The following CYTH1 variants were observed in gnomAD, a reference collection of about 807,000 sequenced individuals.
The protein encoded by CYTH1 is cytohesin-1.
CYTH1 carries 18 observed loss-of-function variants against 61.8 expected under a neutral mutation model. That is an observed-to-expected ratio of 0.29 (90% CI 0.20 to 0.43). CYTH1 has a LOEUF of 0.43. Ranked by LOEUF, CYTH1 falls within the 20% of genes least tolerant of loss-of-function variation. The probability of loss-of-function intolerance (pLI) is 1.00; values close to 1 mark genes in which losing one functional copy is unlikely to be tolerated. For synonymous variants in CYTH1, 174 were observed against 184.3 expected (o/e 0.94, Z 0.45); for missense variants, 336 against 510.5 (o/e 0.66, Z 3.29).
intron 1 of CYTH1, among the ~76,000 whole-genome samples, chr17:78,724,699 T>C (rs2093255979): frequency 6.6e-6 from 1 of 152,196 alleles, no homozygotes; most frequent in South Asian, 2.1e-4. Flanking sequence ...AACACTCCCA[T>C]ACCCTCCCTC....
intron 11 of CYTH1, among the ~76,000 whole-genome samples, chr17:78,683,861 C>T (rs1225818587): frequency 6.6e-6 from 1 of 152,196 alleles, no homozygotes; most frequent in Non-Finnish European, 1.5e-5. Context: ...TTGGTGCCTG[C>T]ACCTTTTGAG....
rs1463574991 is a variant in CYTH1 at position 78,717,736 on chromosome 17, C to T, written c.23-8004G>A. 6.6e-6 allele frequency among the ~76,000 whole-genome samples: 1 copy of T among 152,142 alleles called. No homozygotes were observed. The highest frequency in any genetic ancestry group is 1.9e-4 in the East Asian group (1 of 5,182). The stretch of plus-strand genomic sequence containing the variant: ...TTCCACGGAAAACGCAGCTCTCTGA[C>T]AGCAGGTTCTGCTTGGCAGACACAT... On this transcript the variant is annotated intron_variant, in intron 1 of 13. Transcript: ENST00000446868. This position sits in a 1 kb window ranked among gnomAD's most constrained non-coding sequence, Gnocchi z 4.4.
At chr17:78,696,124 G>C in intron 9 of CYTH1, 115 bp from the exon 10 acceptor site, 1 of 1,310,514 alleles carries the variant, frequency 7.6e-7, no homozygotes, top group Non-Finnish European at 1.0e-6. Context: ...AAAGTGCAAT[G>C]TATCAGTCAC....
At chr17:78,698,997 C>CAAAG in intron 7 of CYTH1, 29 bp from the exon 8 acceptor site, 7 of 1,603,644 alleles carry the variant, frequency 4.4e-6, no homozygotes, top group Non-Finnish European at 5.1e-6. Context: ...CAAAGGGGAG[C>CAAAG]CGTTGCATGC....
intron 1 of CYTH1, among the ~76,000 whole-genome samples, chr17:78,781,957 A>G (rs12946269): frequency 0.063 from 8,819 of 140,326 alleles, 495 homozygotes; most frequent in South Asian, 0.16. Flanking sequence ...CCCCCGCCCC[A>G]GCCACCCACA....
At chr17:78,696,113 T>TAA (rs1176371972) in intron 9 of CYTH1, 104 bp from the exon 10 acceptor site, 1 of 1,332,266 alleles carries the variant, frequency 7.5e-7, no homozygotes, top group Non-Finnish European at 1.0e-6. Context: ...TCCTTAATCT[T>TAA]AAAGTGCAAT....
In CYTH1 at chr17:78,680,258, C is replaced by G; in HGVS notation, c.1050G>C (p.Gly350=). 6.2e-7 allele frequency: 1 copy of G among 1,614,172 alleles called. No individual in the cohort carries two copies. Among genetic ancestry groups the G allele is most frequent in the Non-Finnish European group, 8.5e-7 (1 of 1,180,040 alleles). The change falls in exon 13 of 14, where the codon GGG becomes GGC. Residue 350 remains glycine, a synonymous_variant. Transcript: ENST00000446868. ...CTGAGATCCGGTAAACAGTGTGGTT[C>G]CCCTCCACCACCCGCCCGTCAGCCT... ...KTEADGRVVE[G]NHTVYRISAP... is the part of the protein sequence containing the mutation.
chr17:78,723,958 G>T (rs563434236), intron 1 of CYTH1: 3 of 152,472 alleles, frequency 2.0e-5, no homozygotes, highest in African/African-American at 7.2e-5. Flanking sequence ...TTCCTCCAGG[G>T]ATCCCATGCC....
rs2093002056 is a variant in CYTH1, at chr17:78,700,908, C to T, written c.438-465G>A. On this transcript the variant is annotated intron_variant, in intron 6 of 13. Transcript: ENST00000446868. The surrounding 1 kb of genome is among the most constrained non-coding windows in gnomAD (Gnocchi z 5.1). ...CTGTTACTGTAACTCTGAACAGATG[C>T]AAAGTTGCCATCCACACCACTGTTA... Among the ~76,000 whole-genome samples, 1 of 152,096 alleles carries T rather than the reference C, an allele frequency of 6.6e-6. No homozygotes were observed. Among genetic ancestry groups the T allele is most frequent in the Admixed American group, 6.5e-5 (1 of 15,274 alleles).
intron 9 of CYTH1, among the ~76,000 whole-genome samples, chr17:78,697,604 A>G (rs115769691): frequency 0.014 from 2,075 of 149,102 alleles, 47 homozygotes; most frequent in African/African-American, 0.045. Context: ...AAAGGAGGGG[A>G]AAAAAAAAAG....
Position 78,782,273 on chromosome 17 carries a change from C to G in CYTH1, c.-50G>C, listed in dbSNP as rs759587733. 3.4e-5 allele frequency: 40 copies of G among 1,176,610 alleles called. No individual in the cohort carries two copies. In the East Asian group the frequency reaches 1.3e-3, roughly 38 times the overall value. 72.9% of individuals were successfully genotyped at this position (1,176,610 alleles called of 1,614,324 possible). ...CCGGCTCGCCGCTCGCGTCCCGCCG[C>G]GCCACCCGCGCCCCCGCTCGCCTCA... On this transcript the variant is annotated 5_prime_UTR_variant, in exon 1 of 14. Coordinates refer to ENST00000446868, the MANE Select transcript of CYTH1 (RefSeq NM_004762.6).
chr17:78,703,068 A>G (rs1439201496), intron 3 of CYTH1, among the ~76,000 whole-genome samples: 1 of 151,688 alleles, frequency 6.6e-6, no homozygotes, highest in African/African-American at 2.4e-5. Context: ...TTACAGGCAT[A>G]AGCCACTGTA....
At chr17:78,718,783 T>C (rs1420668948) in intron 1 of CYTH1, among the ~76,000 whole-genome samples, 1 of 152,242 alleles carries the variant, frequency 6.6e-6, no homozygotes, top group East Asian at 1.9e-4. Flanking sequence ...ATTAGCACTG[T>C]TGTGAGGAAT....
chr17:78,765,533 C>A (rs1040686377), intron 1 of CYTH1, among the ~76,000 whole-genome samples: 3 of 152,126 alleles, frequency 2.0e-5, no homozygotes, highest in Non-Finnish European at 4.4e-5. Context: ...GTAGAGGAGA[C>A]AAGCCTGAAG....
At chr17:78,761,056 G>A (rs975997418) in intron 1 of CYTH1, among the ~76,000 whole-genome samples, 4 of 151,194 alleles carry the variant, frequency 2.6e-5, no homozygotes, top group Non-Finnish European at 4.4e-5. Context: ...GGCTGGTCTC[G>A]AACTCCCGAC....
chr17:78,752,677 C>T (rs1172773175), intron 1 of CYTH1, among the ~76,000 whole-genome samples: 3 of 152,186 alleles, frequency 2.0e-5, no homozygotes, highest in African/African-American at 7.2e-5. Flanking sequence ...GATCCACCCG[C>T]CTCAGCCTCC....
intron 1 of CYTH1, among the ~76,000 whole-genome samples, chr17:78,761,588 A>T (rs1268801073): frequency 2.6e-5 from 4 of 152,030 alleles, no homozygotes; most frequent in African/African-American, 9.7e-5. Flanking sequence ...AACACAAAAA[A>T]TCAGCCGGGC....
chr17:78,685,965 A>G (rs1364631390), intron 11 of CYTH1, among the ~76,000 whole-genome samples: 2 of 152,240 alleles, frequency 1.3e-5, no homozygotes, highest in Admixed American at 1.3e-4. Context: ...CTAAGGGGCC[A>G]GGCTTTGGAG....
Position 78,715,552 on chromosome 17 carries a change from C to T in CYTH1, c.23-5820G>A, listed in dbSNP as rs139333425. Among the ~76,000 whole-genome samples, 56 of 152,210 alleles carry T rather than the reference C, an allele frequency of 3.7e-4. No individual in the cohort carries two copies. In the East Asian group the frequency reaches 9.1e-3, roughly 25 times the overall value. ...CCATCAGAAAGAATGAAATCAGACTCGAAACCAGAGAATGAAGGAGAAAGC... is the reference window on the plus strand; with the variant it reads ...CCATCAGAAAGAATGAAATCAGACTTGAAACCAGAGAATGAAGGAGAAAGC... On this transcript the variant is annotated intron_variant, in intron 1 of 13. Coordinates refer to ENST00000446868, the MANE Select transcript of CYTH1 (RefSeq NM_004762.6).
Sources: allele counts gnomAD v4.1 joint callset (sites outside exome capture counted in the v4.1 genomes callset), GRCh38; gene constraint gnomAD v4.1.1; non-coding constraint Gnocchi (gnomAD v3.1); transcripts MANE v1.5; gene names NCBI Gene and HGNC (gene_info 2026-07-23, HGNC 2026-07-21).